PDE1C: variants seen among roughly 807,000 people sequenced by gnomAD.
The protein encoded by PDE1C is phosphodiesterase 1C, also known as dual specificity calcium/calmodulin-dependent 3',5'-cyclic nucleotide phosphodiesterase 1C.
In PDE1C, 62 loss-of-function variants were observed where a neutral mutation model predicts 93.1. The observed-to-expected ratio is 0.67, with a 90% CI of 0.54 to 0.82. The LOEUF (loss-of-function observed/expected upper bound fraction) is 0.82, where lower values mean the gene tolerates loss of function less well. Among genes scored for constraint, PDE1C ranks in the 40% least tolerant of loss-of-function variants. The pLI is 0.00. For missense variants in PDE1C, 742 were observed against 884.6 expected, an observed-to-expected ratio of 0.84 and a Z score of 2.04; for synonymous variants, 325 against 310.1, an observed-to-expected ratio of 1.05 and a Z score of -0.50.
rs78444348 is a variant in PDE1C, at chr7:32,413,196, G to A, written c.310+14626C>T. ...ACGTAGGGGGGAATGCATGACACCTGCAACTTAATTTTAAATGTACAAAAT... is the reference window on the plus strand; with the variant it reads ...ACGTAGGGGGGAATGCATGACACCTACAACTTAATTTTAAATGTACAAAAT... On this transcript the variant is annotated intron_variant, in intron 1 of 1. Transcript: ENST00000672256. Among the ~76,000 whole-genome samples, 241 of 152,234 alleles carry A rather than the reference G, an allele frequency of 1.6e-3. 1 individual carries two copies. The highest frequency in any genetic ancestry group is 5.5e-3 in the African/African-American group (227 of 41,552).
chr7:32,392,894 C>A (rs569466487), intron 1 of PDE1C, among the ~76,000 whole-genome samples: 89 of 151,614 alleles, frequency 5.9e-4, no homozygotes, highest in African/African-American at 2.1e-3. Flanking sequence ...ACTAAAAATA[C>A]AAAAATTAGC....
chr7:32,250,363 G>C (rs1477413785), intron 1 of PDE1C, among the ~76,000 whole-genome samples: 2 of 152,192 alleles, frequency 1.3e-5, no homozygotes, highest in African/African-American at 2.4e-5. Context: ...CATGGGCTTT[G>C]AGGAGCAATT....
intron 2 of PDE1C, among the ~76,000 whole-genome samples, chr7:32,009,604 C>A (rs1377400976): frequency 2.6e-5 from 4 of 152,200 alleles, no homozygotes; most frequent in Non-Finnish European, 5.9e-5. Flanking sequence ...AGACTGAATG[C>A]TTTCCTTATA....
At position 31,837,384 on chromosome 7, in the gene PDE1C, A is replaced by C. The variant is rs1562893149; in HGVS notation, c.1083-84T>G. The C allele has an allele frequency of 3.8e-6, 5 of 1,320,714 alleles. No individual in the cohort carries two copies. The South Asian group carries it at 5.3e-5, about 14-fold the overall frequency. 81.8% of individuals were successfully genotyped at this position (1,320,714 alleles called of 1,614,324 possible). ...GTTTTTTAAAAATCATTAAGTTTTTAATCTCTTTTGTTCTTCCATCTCAAA... is the reference window on the plus strand; with the variant it reads ...GTTTTTTAAAAATCATTAAGTTTTTCATCTCTTTTGTTCTTCCATCTCAAA... On this transcript the variant is annotated intron_variant, in intron 10 of 17. Transcript: ENST00000396191.
intron 3 of PDE1C, among the ~76,000 whole-genome samples, chr7:32,149,613 A>AT (rs1400596031): frequency 6.6e-6 from 1 of 152,180 alleles, no homozygotes; most frequent in African/African-American, 2.4e-5. Flanking sequence ...AACATTTATA[A>AT]TTTTTTTATA....
the PDE1C span, among the ~76,000 whole-genome samples, chr7:31,654,053 CAA>C: frequency 0.58 from 76,306 of 130,500 alleles, 21,973 homozygotes; most frequent in African/African-American, 0.61. Flanking sequence ...AGAGTAAGTC[CAA>C]AAAAAAAAAA....
chr7:31,730,329 G>T, the PDE1C span, among the ~76,000 whole-genome samples: 3 of 152,092 alleles, frequency 2.0e-5, no homozygotes, highest in Non-Finnish European at 2.9e-5. Flanking sequence ...CAGCTCTCAG[G>T]TTCAGTTTCT....
At chr7:32,082,719 C>T (rs868628275) in intron 3 of PDE1C, among the ~76,000 whole-genome samples, 15 of 152,164 alleles carry the variant, frequency 9.9e-5, no homozygotes, top group African/African-American at 1.9e-4. Context: ...CTGCAGCCAC[C>T]GCTACTGATA....
the PDE1C span, among the ~76,000 whole-genome samples, chr7:31,647,507 C>A: frequency 5.0e-5 from 7 of 139,780 alleles, no homozygotes; most frequent in Non-Finnish European, 6.1e-5. Flanking sequence ...ATTAAAACTA[C>A]AAAAAAAAAA....
At chr7:32,067,861 A>G (rs1795583584) in intron 1 of PDE1C, among the ~76,000 whole-genome samples, 1 of 152,178 alleles carries the variant, frequency 6.6e-6, no homozygotes, top group African/African-American at 2.4e-5. Context: ...TTCACCACCT[A>G]TTGATTGAGC....
At chr7:32,366,293 T>C (rs1350080459) in intron 1 of PDE1C, among the ~76,000 whole-genome samples, 2 of 151,918 alleles carry the variant, frequency 1.3e-5, no homozygotes, top group African/African-American at 4.8e-5. Flanking sequence ...AAATAAAAAG[T>C]ACAATTGAGA....
intron 3 of PDE1C, among the ~76,000 whole-genome samples, chr7:32,109,131 A>T (rs772061890): frequency 6.6e-6 from 1 of 152,222 alleles, no homozygotes; most frequent in Non-Finnish European, 1.5e-5. Flanking sequence ...TGAGTCACTG[A>T]GGGTACAAAA....
upstream of PDE1C, among the ~76,000 whole-genome samples, chr7:32,076,305 C>G (rs532604927): frequency 6.6e-6 from 1 of 152,048 alleles, no homozygotes; most frequent in East Asian, 1.9e-4. Context: ...TTATCTTAGC[C>G]ATGGGGTTAT....
At chr7:32,337,431 A>G (rs215661) in intron 1 of PDE1C, among the ~76,000 whole-genome samples, 145,176 of 152,264 alleles carry the variant, frequency 0.95, 69,401 homozygotes, top group East Asian at 1. Context: ...CAAAACTAGT[A>G]TAGTTGAATG....
intron 16 of PDE1C, among the ~76,000 whole-genome samples, chr7:31,782,279 A>G (rs368596791): frequency 5.5e-5 from 2 of 36,166 alleles, no homozygotes; most frequent in African/African-American, 1.0e-4. Flanking sequence ...TTCAAAATTA[A>G]CTATACTATA....
chr7:32,241,704 T>G (rs1487934419), intron 1 of PDE1C, among the ~76,000 whole-genome samples: 3 of 151,866 alleles, frequency 2.0e-5, no homozygotes, highest in Admixed American at 6.6e-5. Context: ...CAGTGGAAAA[T>G]GAATAATCAG....
intron 1 of PDE1C, among the ~76,000 whole-genome samples, chr7:32,275,659 CAA>C (rs779760174): frequency 7.1e-6 from 1 of 140,564 alleles, no homozygotes. Flanking sequence ...AAAATAAAAC[CAA>C]AAAAAAAAAG....
Position 31,893,804 on chromosome 7 carries a change from C to T in PDE1C, c.129-12944G>A, listed in dbSNP as rs118007400. 9.9e-3 allele frequency among the ~76,000 whole-genome samples: 1,502 copies of T among 152,298 alleles called. 14 individuals carry two copies. Among genetic ancestry groups the T allele is most frequent in the Non-Finnish European group, 0.017 (1,184 of 68,026 alleles). ...ACTCCACTTGCCCCAAACAACCCCT[C>T]ATTGTTCACGGTGGTAATCTGTTCA... On this transcript the variant is annotated intron_variant, in intron 2 of 17. Coordinates refer to ENST00000396191, the MANE Select transcript of PDE1C (RefSeq NM_001191057.4).
intron 1 of PDE1C, among the ~76,000 whole-genome samples, chr7:32,425,096 T>C (rs1413321461): frequency 6.6e-6 from 1 of 151,806 alleles, no homozygotes; most frequent in Admixed American, 6.6e-5. Flanking sequence ...TATATACCTA[T>C]ACACACAGAC....
Sources: gnomAD v4.1 joint callset for allele counts (sites outside exome capture counted in the v4.1 genomes callset) on GRCh38, gnomAD v4.1.1 for gene constraint, MANE v1.5 for transcripts, NCBI Gene and HGNC (gene_info 2026-07-23, HGNC 2026-07-21) for gene names.